Variants in TM9SF2 observed in about 807,000 individuals in gnomAD.
The protein encoded by TM9SF2 is 76 kDa membrane protein.
TM9SF2 carries 13 observed loss-of-function variants against 84.9 expected under a neutral mutation model. The observed-to-expected ratio is 0.15, with a 90% CI of 0.10 to 0.24. The LOEUF is 0.24. Among genes scored for constraint, TM9SF2 ranks in the 10% least tolerant of loss-of-function variants. The pLI, the probability that TM9SF2 is intolerant of heterozygous loss-of-function variation, is 1.00. For synonymous variants in TM9SF2, 273 were observed against 285.8 expected, an observed-to-expected ratio of 0.96 and a Z score of 0.45; for missense variants, 562 against 818.5, an observed-to-expected ratio of 0.69 and a Z score of 3.82.
chr13:99,529,987 T>C lies in TM9SF2; in HGVS notation c.461+393T>C, dbSNP rs7319290. Among the ~76,000 whole-genome samples, 724 of 152,304 alleles carry C rather than the reference T, an allele frequency of 4.8e-3. 3 individuals carry two copies. The highest frequency in any genetic ancestry group is 0.017 in the African/African-American group (697 of 41,568). On this transcript the variant is annotated intron_variant, in intron 4 of 16. Coordinates refer to ENST00000376387, the MANE Select transcript of TM9SF2 (RefSeq NM_004800.3). ...GGTTTCCCAGTGCATATAAAAGTTA[T>C]GTTTATACTACATATAGTCTATTAA...
At chr13:99,505,818 T>G (rs573832837) in intron 1 of TM9SF2, among the ~76,000 whole-genome samples, 1 of 152,360 alleles carries the variant, frequency 6.6e-6, no homozygotes, top group African/African-American at 2.4e-5. Context: ...TAGTGAGCAG[T>G]TCACCTTTGC....
At chr13:99,542,835 G>A (rs920701139) in intron 9 of TM9SF2, among the ~76,000 whole-genome samples, 3 of 152,130 alleles carry the variant, frequency 2.0e-5, no homozygotes, top group Non-Finnish European at 4.4e-5. Flanking sequence ...CAGGCCAGTG[G>A]TGACTCTGCT....
chr13:99,541,009 G>T (rs1183240716), intron 8 of TM9SF2, among the ~76,000 whole-genome samples: 1 of 152,230 alleles, frequency 6.6e-6, no homozygotes, highest in Non-Finnish European at 1.5e-5. Context: ...TGGGATTGTT[G>T]TGAGGATTAA....
chr13:99,549,052 G>T, intron 11 of TM9SF2, 113 bp from the exon 12 acceptor site: 1 of 773,330 alleles, frequency 1.3e-6, no homozygotes. Context: ...CATTTTCTAG[G>T]AATGAGTACT....
chr13:99,514,556 C>T (rs1389939829), intron 1 of TM9SF2, among the ~76,000 whole-genome samples: 1 of 152,196 alleles, frequency 6.6e-6, no homozygotes, highest in African/African-American at 2.4e-5. Context: ...AGTCCCACAA[C>T]AAAATCCCCT....
At chr13:99,533,047 A>C (rs1373581698) in intron 4 of TM9SF2, among the ~76,000 whole-genome samples, 1 of 152,224 alleles carries the variant, frequency 6.6e-6, no homozygotes, top group African/African-American at 2.4e-5. Context: ...TATTTCAGAG[A>C]GATTTTACTG....
chr13:99,521,181 TAATA>T (rs1450244021), intron 3 of TM9SF2, among the ~76,000 whole-genome samples: 2 of 152,236 alleles, frequency 1.3e-5, no homozygotes, highest in Non-Finnish European at 2.9e-5. Context: ...GAATAAATAA[TAATA>T]AATGTGCAGT....
Position 99,511,836 on chromosome 13 carries a change from GCAT to G in TM9SF2, c.172-5775_172-5773del, listed in dbSNP as rs373234922. Among the ~76,000 whole-genome samples, 423 of 152,302 alleles carry G rather than the reference GCAT, an allele frequency of 2.8e-3. 2 individuals carry two copies. The highest frequency in any genetic ancestry group is 8.6e-3 in the African/African-American group (359 of 41,566). ...AAGGAAGAAAAGTAGAGGAATAAAA[GCAT>G]CAGAAATAAAAAGTTACGGTAGCAA... is the stretch of plus-strand genomic sequence containing the variant. On this transcript the variant is annotated intron_variant, in intron 1 of 16. Transcript: ENST00000376387.
intron 3 of TM9SF2, among the ~76,000 whole-genome samples, chr13:99,526,741 C>T (rs1004103633): frequency 5.3e-5 from 8 of 151,996 alleles, no homozygotes; most frequent in Admixed American, 2.0e-4. Context: ...TTGGAAGGAT[C>T]GTTGATATAG....
At chr13:99,535,445 C>G (rs17656652) in intron 4 of TM9SF2, among the ~76,000 whole-genome samples, 1 of 151,990 alleles carries the variant, frequency 6.6e-6, no homozygotes, top group Admixed American at 6.5e-5. Context: ...AAGCAATTAA[C>G]GGATTCGTTA....
chr13:99,532,287 T>C (rs2046214009), intron 4 of TM9SF2, among the ~76,000 whole-genome samples: 1 of 151,804 alleles, frequency 6.6e-6, no homozygotes, highest in Non-Finnish European at 1.5e-5. Context: ...CCTGACCTCG[T>C]GATCCGCCCG....
At chr13:99,529,063 T>A (rs1264475940) in intron 3 of TM9SF2, among the ~76,000 whole-genome samples, 1 of 152,224 alleles carries the variant, frequency 6.6e-6, no homozygotes, top group Non-Finnish European at 1.5e-5. Context: ...ATCTGTTGAT[T>A]ATTTGAACAT....
chr13:99,534,302 C>T (rs2046224107), intron 4 of TM9SF2, among the ~76,000 whole-genome samples: 1 of 152,136 alleles, frequency 6.6e-6, no homozygotes, highest in African/African-American at 2.4e-5. Context: ...AATCCCAGAT[C>T]CCACCAAGTT....
At chr13:99,546,458 C>A (rs966104400) in intron 10 of TM9SF2, among the ~76,000 whole-genome samples, 1 of 152,112 alleles carries the variant, frequency 6.6e-6, no homozygotes, top group African/African-American at 2.4e-5. Flanking sequence ...CTGACAAGGT[C>A]CTTCCGTAAT....
intron 9 of TM9SF2, 185 bp downstream of exon 9, chr13:99,541,852 A>T: frequency 2.3e-6 from 1 of 442,444 alleles, no homozygotes; most frequent in South Asian, 2.4e-5. Flanking sequence ...AGTGATACTT[A>T]AGAATTAATA....
chr13:99,553,466 G>T (rs745815696), intron 13 of TM9SF2, among the ~76,000 whole-genome samples: 2 of 152,136 alleles, frequency 1.3e-5, no homozygotes, highest in African/African-American at 2.4e-5. Flanking sequence ...AACTTTGCTG[G>T]TTTGAAGTTT....
At chr13:99,557,105 C>T (rs1365630579) in intron 15 of TM9SF2, among the ~76,000 whole-genome samples, 2 of 152,138 alleles carry the variant, frequency 1.3e-5, no homozygotes, top group Non-Finnish European at 2.9e-5. Flanking sequence ...TGAGGAACTA[C>T]CAAACTTTTC....
chr13:99,532,679 G>T (rs1163469448), intron 4 of TM9SF2, among the ~76,000 whole-genome samples: 1 of 152,134 alleles, frequency 6.6e-6, no homozygotes, highest in Non-Finnish European at 1.5e-5. Context: ...CTCCTGACAG[G>T]AAAGTACTTA....
Position 99,564,044 on chromosome 13 carries a change from G to T in TM9SF2, c.*1286G>T, listed in dbSNP as rs2046354988. ...TATATGATATTGCTGGGTTCTTACTGAATAATTTTTTTTTTTTTTTGAGAC... is the reference window on the plus strand; with the variant it reads ...TATATGATATTGCTGGGTTCTTACTTAATAATTTTTTTTTTTTTTTGAGAC... On this transcript the variant is annotated 3_prime_UTR_variant, in exon 17 of 17. Coordinates refer to ENST00000376387, the MANE Select transcript of TM9SF2 (RefSeq NM_004800.3). 6.7e-6 allele frequency: 1 copy of T among 149,126 alleles called. No homozygotes were observed. The highest frequency in any genetic ancestry group is 2.1e-4 in the South Asian group (1 of 4,686). 9.2% of individuals were successfully genotyped at this position (149,126 alleles called of 1,614,324 possible).
Sources: allele counts gnomAD v4.1 joint callset (sites outside exome capture counted in the v4.1 genomes callset), GRCh38; gene constraint gnomAD v4.1.1; transcripts MANE v1.5; gene names NCBI Gene and HGNC (gene_info 2026-07-23, HGNC 2026-07-21).